STX8: variants seen among roughly 807,000 people sequenced by gnomAD.
The protein encoded by STX8 is syntaxin-8.
STX8 carries 23 observed loss-of-function variants against 37.5 expected under a neutral mutation model. That is an observed-to-expected ratio of 0.61 (90% confidence interval 0.44 to 0.87). The LOEUF (loss-of-function observed/expected upper bound fraction) is 0.87. Among genes scored for constraint, STX8 ranks in the 40% least tolerant of loss-of-function variants. STX8 has a pLI of 0.00. For missense variants in STX8, 313 were observed against 284.7 expected, an observed-to-expected ratio of 1.10 and a Z score of -0.71; for synonymous variants, 115 against 99.1, an observed-to-expected ratio of 1.16 and a Z score of -0.95.
intron 6 of STX8, among the ~76,000 whole-genome samples, chr17:9,427,160 C>T (rs1019610674): frequency 4.6e-5 from 7 of 152,108 alleles, no homozygotes; most frequent in Non-Finnish European, 8.8e-5. Context: ...CTTAGTTGTT[C>T]AGAACTCAAG....
At chr17:9,548,502 A>G (rs1188404911) in intron 3 of STX8, 1 of 152,230 alleles carries the variant, frequency 6.6e-6, no homozygotes, top group Non-Finnish European at 1.5e-5. Flanking sequence ...GTCTTTCAAC[A>G]GACATTTCTT....
chr17:9,363,946 A>G (rs553795781), intron 7 of STX8, among the ~76,000 whole-genome samples: 38 of 152,246 alleles, frequency 2.5e-4, no homozygotes, highest in African/African-American at 7.9e-4. Flanking sequence ...AAAGGCTTCA[A>G]TTTGCCTGGA....
chr17:9,270,353 T>C (rs1907407277), intron 7 of STX8, among the ~76,000 whole-genome samples: 1 of 152,132 alleles, frequency 6.6e-6, no homozygotes, highest in African/African-American at 2.4e-5. Context: ...GTTCACGCCA[T>C]TCTCCTCCCT....
intron 7 of STX8, among the ~76,000 whole-genome samples, chr17:9,328,640 T>C (rs1909856266): frequency 6.6e-6 from 1 of 152,284 alleles, no homozygotes; most frequent in African/African-American, 2.4e-5. Flanking sequence ...TCAATGGCCC[T>C]CTTAGGGCTG....
chr17:9,429,143 C>T (rs1032615008), intron 6 of STX8, among the ~76,000 whole-genome samples: 18 of 151,544 alleles, frequency 1.2e-4, no homozygotes, highest in Non-Finnish European at 8.8e-5. Flanking sequence ...TTTATTGAGA[C>T]ATAATTCACC....
chr17:9,357,371 C>T (rs1031718720), intron 7 of STX8, among the ~76,000 whole-genome samples: 2 of 151,994 alleles, frequency 1.3e-5, no homozygotes, highest in African/African-American at 4.8e-5. Flanking sequence ...GACGGAACCT[C>T]TCTGAGGGAT....
At chr17:9,276,882 C>T (rs552932831) in intron 7 of STX8, among the ~76,000 whole-genome samples, 5 of 151,782 alleles carry the variant, frequency 3.3e-5, no homozygotes, top group South Asian at 2.1e-4. Flanking sequence ...GTGATCCGCC[C>T]GCCTCGGCCT....
chr17:9,255,208 A>G (rs557724225), intron 7 of STX8, among the ~76,000 whole-genome samples: 56 of 152,294 alleles, frequency 3.7e-4, no homozygotes, highest in African/African-American at 1.3e-3. Context: ...CAGGAAAGGC[A>G]TGACAGGGCA....
At chr17:9,302,077 A>G (rs1908808427) in intron 7 of STX8, among the ~76,000 whole-genome samples, 1 of 152,158 alleles carries the variant, frequency 6.6e-6, no homozygotes, top group South Asian at 2.1e-4. Context: ...TTTGGGGAGG[A>G]TAATTCTTTG....
At chr17:9,296,833 G>A (rs927960069) in intron 7 of STX8, among the ~76,000 whole-genome samples, 2 of 152,188 alleles carry the variant, frequency 1.3e-5, no homozygotes, top group African/African-American at 4.8e-5. Flanking sequence ...TGAGACAAAG[G>A]TGGTGGCTGA....
At chr17:9,484,123 A>C (rs967439523) in intron 6 of STX8, among the ~76,000 whole-genome samples, 2 of 152,204 alleles carry the variant, frequency 1.3e-5, no homozygotes, top group Non-Finnish European at 2.9e-5. Context: ...CATGTAAAAT[A>C]ACAGTTTCTG....
intron 6 of STX8, 37 bp from the exon 7 acceptor site, chr17:9,378,690 T>A: frequency 6.7e-7 from 1 of 1,495,558 alleles, no homozygotes; most frequent in Non-Finnish European, 9.3e-7. Context: ...ATTCCTGAAA[T>A]ACCCCGGTTC....
intron 2 of STX8, among the ~76,000 whole-genome samples, chr17:9,568,148 G>T (rs1187383941): frequency 6.6e-6 from 1 of 152,154 alleles, no homozygotes; most frequent in Non-Finnish European, 1.5e-5. Context: ...AAAATTGTTA[G>T]AAATATTTAA....
chr17:9,382,149 A>T (rs2142289661), intron 6 of STX8, among the ~76,000 whole-genome samples: 1 of 149,612 alleles, frequency 6.7e-6, no homozygotes, highest in South Asian at 2.1e-4. Context: ...GCAATAACTT[A>T]AAAAAGAAAC....
intron 7 of STX8, among the ~76,000 whole-genome samples, chr17:9,326,617 GC>G (rs1329304133): frequency 6.6e-6 from 1 of 152,202 alleles, no homozygotes; most frequent in Non-Finnish European, 1.5e-5. Context: ...TGGCTGAGAG[GC>G]AGAAAATGGG....
chr17:9,538,635 G>A (rs981691074), intron 4 of STX8, among the ~76,000 whole-genome samples: 2 of 152,154 alleles, frequency 1.3e-5, no homozygotes, highest in African/African-American at 4.8e-5. Context: ...AAACGTAGAC[G>A]TTTCATTATC....
intron 4 of STX8, among the ~76,000 whole-genome samples, chr17:9,541,403 C>T (rs1359407066): frequency 6.6e-6 from 1 of 152,188 alleles, no homozygotes; most frequent in Non-Finnish European, 1.5e-5. Flanking sequence ...GACAGAAGAT[C>T]TCCGAAGCAA....
chr17:9,535,953 T>C (rs1450649871), intron 4 of STX8, among the ~76,000 whole-genome samples: 1 of 152,148 alleles, frequency 6.6e-6, no homozygotes, highest in Non-Finnish European at 1.5e-5. Flanking sequence ...AGATATTCGA[T>C]CAGGTGACAA....
intron 7 of STX8, among the ~76,000 whole-genome samples, chr17:9,314,200 C>G (rs1225889963): frequency 6.6e-6 from 1 of 152,150 alleles, no homozygotes. Context: ...CTTTCATGCC[C>G]TCTATTATAT....
Sources: gnomAD v4.1 joint callset for allele counts (sites outside exome capture counted in the v4.1 genomes callset) on GRCh38, gnomAD v4.1.1 for gene constraint, MANE v1.5 for transcripts, NCBI Gene and HGNC (gene_info 2026-07-23, HGNC 2026-07-21) for gene names.